The following NBEA variants were observed in gnomAD, a reference collection of about 807,000 sequenced individuals.
NBEA encodes the protein neurobeachin, also known as lysosomal-trafficking regulator 2.
Under a neutral mutation model 343.4 loss-of-function variants are expected in NBEA, and 44 were observed. The observed-to-expected ratio is 0.13, with a 90% CI of 0.10 to 0.16. NBEA has a LOEUF of 0.16. Among genes scored for constraint, NBEA ranks in the 10% least tolerant of loss-of-function variants. The pLI is 1.00. For synonymous variants in NBEA, 1,175 were observed against 1,238.7 expected (o/e 0.95, Z 1.08); for missense variants, 2,555 against 3,631.3 (o/e 0.70, Z 7.62).
At position 35,159,218 on chromosome 13, in the gene NBEA, C is replaced by G. The variant is rs1429465146; in HGVS notation, c.3047C>G (p.Thr1016Ser). 3 of 1,613,492 alleles carry G rather than the reference C, an allele frequency of 1.9e-6. No individual in the cohort carries two copies. In the South Asian group the frequency reaches 3.3e-5, roughly 18 times the overall value. ...CAAAGCCAGAGCCCAGAAAGTGAGA[C>G]CGATTACCCTGTCAGCACAGATACT... Reference protein sequence around the residue: ...LSQSQSPESETDYPVSTDTRD... With the variant: ...LSQSQSPESESDYPVSTDTRD... Residue 1016 changes from threonine (T) to serine (S), a missense_variant, in exon 22 of 59, where the codon ACC (threonine) becomes AGC (serine). By Grantham distance (58) the Thr-to-Ser change is moderately conservative. Coordinates refer to ENST00000379939, the MANE Select transcript of NBEA (RefSeq NM_001385012.1).
chr13:35,073,150 A>C (rs1327003954), intron 10 of NBEA, among the ~76,000 whole-genome samples: 2 of 152,168 alleles, frequency 1.3e-5, no homozygotes, highest in Non-Finnish European at 2.9e-5. Context: ...GCAAGCTGTT[A>C]AGTGGGATTT....
chr13:35,200,228 T>C lies in NBEA; in HGVS notation c.5366+3926T>C, dbSNP rs2072922184. ...ATATTTATCGATGGTTTATAAAATGTTTTAATTGAGCTATTATTTTTCATG... is the reference window on the plus strand; with the variant it reads ...ATATTTATCGATGGTTTATAAAATGCTTTAATTGAGCTATTATTTTTCATG... On this transcript the variant is annotated intron_variant, in intron 31 of 58. Coordinates refer to ENST00000379939, the MANE Select transcript of NBEA (RefSeq NM_001385012.1). Among the ~76,000 whole-genome samples, 4 of 152,116 alleles carry C rather than the reference T, an allele frequency of 2.6e-5. No individual in the cohort carries two copies. In the South Asian group the frequency reaches 8.3e-4, roughly 32 times the overall value.
chr13:35,668,332 G>C, intron 57 of NBEA, 36 bp from the exon 58 acceptor site: 1 of 1,501,128 alleles, frequency 6.7e-7, no homozygotes, highest in African/African-American at 1.4e-5. Context: ...ATTTTATTTT[G>C]TTTTTTTTTG....
intron 48 of NBEA, among the ~76,000 whole-genome samples, chr13:35,621,493 A>G (rs1045881056): frequency 2.0e-5 from 3 of 152,108 alleles, no homozygotes; most frequent in South Asian, 2.1e-4. Flanking sequence ...TTTCCTTCGC[A>G]CTTGTCACCT....
chr13:35,162,114 T>A, intron 23 of NBEA, 147 bp downstream of exon 23: 1 of 649,184 alleles, frequency 1.5e-6, no homozygotes, highest in East Asian at 2.8e-5. Flanking sequence ...TAATACCATG[T>A]ACTAAATTTA....
At chr13:35,166,189 A>T (rs192660851) in intron 24 of NBEA, among the ~76,000 whole-genome samples, 1 of 151,986 alleles carries the variant, frequency 6.6e-6, no homozygotes, top group Non-Finnish European at 1.5e-5. Flanking sequence ...CTTCTTATGT[A>T]AAAAAAACAG....
At chr13:35,065,158 A>G (rs1365723163) in intron 8 of NBEA, among the ~76,000 whole-genome samples, 2 of 151,838 alleles carry the variant, frequency 1.3e-5, no homozygotes, top group East Asian at 3.9e-4. Flanking sequence ...TGGAAATAGT[A>G]TTTCTTGAGA....
chr13:35,096,882 G>A (rs894356872), intron 10 of NBEA, among the ~76,000 whole-genome samples: 1 of 151,852 alleles, frequency 6.6e-6, no homozygotes, highest in African/African-American at 2.4e-5. Flanking sequence ...GAGATTCCTT[G>A]GTAGTTGTAT....
chr13:35,024,962 G>C (rs1250118606), intron 1 of NBEA, among the ~76,000 whole-genome samples: 1 of 152,102 alleles, frequency 6.6e-6, no homozygotes. Flanking sequence ...TTGGCCTCAT[G>C]TATGTCTTCT....
intron 36 of NBEA, among the ~76,000 whole-genome samples, chr13:35,343,783 AC>A (rs1253331703): frequency 6.6e-6 from 1 of 151,776 alleles, no homozygotes; most frequent in Non-Finnish European, 1.5e-5. Flanking sequence ...ATCTCCCATC[AC>A]CCCCAGATGG....
At chr13:35,262,560 T>G (rs2033302564) in intron 34 of NBEA, among the ~76,000 whole-genome samples, 1 of 152,192 alleles carries the variant, frequency 6.6e-6, no homozygotes, top group South Asian at 2.1e-4. Context: ...TTCTTGTGAG[T>G]AAGAAAACTC....
At chr13:35,405,470 C>A (rs976369335) in intron 38 of NBEA, among the ~76,000 whole-genome samples, 1 of 152,176 alleles carries the variant, frequency 6.6e-6, no homozygotes, top group Admixed American at 6.5e-5. Flanking sequence ...TTTAATTTAT[C>A]CCAATTTTGT....
chr13:35,537,025 G>T (rs1351060783), intron 41 of NBEA, among the ~76,000 whole-genome samples: 1 of 152,152 alleles, frequency 6.6e-6, no homozygotes, highest in Non-Finnish European at 1.5e-5. Flanking sequence ...GTCAATCAGG[G>T]AAATGGGGCA....
intron 36 of NBEA, among the ~76,000 whole-genome samples, chr13:35,339,165 A>G (rs1392442251): frequency 6.6e-6 from 1 of 152,088 alleles, no homozygotes; most frequent in Non-Finnish European, 1.5e-5. Flanking sequence ...GTTAATTAAG[A>G]AAACAAAATA....
intron 41 of NBEA, among the ~76,000 whole-genome samples, chr13:35,490,551 A>C (rs1372485424): frequency 1.3e-5 from 2 of 151,854 alleles, no homozygotes; most frequent in Non-Finnish European, 2.9e-5. Context: ...TGTTTCTCAT[A>C]TTTTACCTTC....
At chr13:35,398,005 A>G (rs974674682) in intron 38 of NBEA, among the ~76,000 whole-genome samples, 1 of 152,128 alleles carries the variant, frequency 6.6e-6, no homozygotes, top group Non-Finnish European at 1.5e-5. Flanking sequence ...GCATTTTCCC[A>G]TAGAACTTCT....
intron 33 of NBEA, among the ~76,000 whole-genome samples, chr13:35,211,567 C>A (rs2073774166): frequency 6.6e-6 from 1 of 152,094 alleles, no homozygotes; most frequent in African/African-American, 2.4e-5. Context: ...GTAATCCCAG[C>A]ACTTTGGAAG....
chr13:35,344,367 A>T (rs1483376080), intron 36 of NBEA, among the ~76,000 whole-genome samples: 1 of 152,086 alleles, frequency 6.6e-6, no homozygotes, highest in Admixed American at 6.6e-5. Flanking sequence ...CAAGTTAGGA[A>T]AATAACAGAA....
intron 34 of NBEA, chr13:35,251,477 G>A (rs2031949461): frequency 1.9e-6 from 2 of 1,068,430 alleles, no homozygotes; most frequent in Admixed American, 4.7e-5. Flanking sequence ...TGTTCCCCAA[G>A]CCAGGTGAGT....
Sources: allele counts gnomAD v4.1 joint callset (sites outside exome capture counted in the v4.1 genomes callset), GRCh38; gene constraint gnomAD v4.1.1; transcripts MANE v1.5; gene names NCBI Gene and HGNC (gene_info 2026-07-23, HGNC 2026-07-21).